C8orf34: variants seen among roughly 807,000 people sequenced by gnomAD.
C8orf34 encodes the protein chromosome 8 open reading frame 34, also known as uncharacterized protein C8orf34.
Under a neutral mutation model 68.3 loss-of-function variants are expected in C8orf34, and 65 were observed. That is an observed-to-expected ratio of 0.95 (90% CI 0.78 to 1.17). The LOEUF (loss-of-function observed/expected upper bound fraction) is 1.17. C8orf34 is among the 50% of genes most tolerant of loss of function. The pLI, the probability that C8orf34 is intolerant of heterozygous loss-of-function variation, is 0.00. For synonymous variants in C8orf34, 244 were observed against 241.2 expected (o/e 1.01, Z -0.11); for missense variants, 664 against 655.4 (o/e 1.01, Z -0.14).
chr8:68,458,953 T>A (rs1008081993), intron 3 of C8orf34, among the ~76,000 whole-genome samples: 1 of 152,212 alleles, frequency 6.6e-6, no homozygotes, highest in African/African-American at 2.4e-5. Context: ...TATACAGACC[T>A]GTAGAAAGAG....
intron 7 of C8orf34, among the ~76,000 whole-genome samples, chr8:68,614,606 C>T (rs962034263): frequency 1.1e-3 from 172 of 152,082 alleles, no homozygotes; most frequent in Admixed American, 1.8e-3. Context: ...TGTAGATATG[C>T]GGTGTTATTT....
At position 68,617,869 on chromosome 8, in the gene C8orf34, C is replaced by G. The variant is rs563838342; in HGVS notation, c.1106-22507C>G. On this transcript the variant is annotated intron_variant, in intron 7 of 13. Transcript: ENST00000518698. The stretch of plus-strand genomic sequence containing the variant: ...TGGGGAAGTTCTCCTGGATAATATC[C>G]TGCAGAGTGTTTTCCAACTTGATTC... 4.9e-3 allele frequency among the ~76,000 whole-genome samples: 742 copies of G among 152,258 alleles called. 11 individuals are homozygous for G. Among genetic ancestry groups the G allele is most frequent in the African/African-American group, 0.017 (688 of 41,542 alleles).
intron 10 of C8orf34, among the ~76,000 whole-genome samples, chr8:68,735,677 GAA>G (rs1362672305): frequency 1.3e-5 from 2 of 151,942 alleles, no homozygotes; most frequent in Non-Finnish European, 2.9e-5. Flanking sequence ...TCTAACTTGA[GAA>G]AGAAAAGAAA....
intron 1 of C8orf34, among the ~76,000 whole-genome samples, chr8:68,353,218 G>A (rs1447163100): frequency 6.6e-6 from 1 of 151,998 alleles, no homozygotes; most frequent in Non-Finnish European, 1.5e-5. Flanking sequence ...TAATGGCTAT[G>A]TAAGGGACAG....
intron 1 of C8orf34, among the ~76,000 whole-genome samples, chr8:68,428,933 T>C (rs1810340280): frequency 6.6e-6 from 1 of 152,072 alleles, no homozygotes; most frequent in African/African-American, 2.4e-5. Flanking sequence ...CCATAATAAA[T>C]GTTGACTTTA....
chr8:68,813,100 C>T (rs982017062), intron 12 of C8orf34, among the ~76,000 whole-genome samples: 5 of 152,128 alleles, frequency 3.3e-5, no homozygotes, highest in African/African-American at 7.2e-5. Flanking sequence ...TAGCATATGG[C>T]GTTATCCTCA....
At chr8:68,535,191 AAATGCTAAGTTC>A (rs1214203586) in intron 7 of C8orf34, 5 of 983,868 alleles carry the variant, frequency 5.1e-6, no homozygotes, top group Non-Finnish European at 3.6e-6. Context: ...AGAAAAATAT[AAATGCTAAGTTC>A]TTGGAAATTT....
chr8:68,697,084 T>C (rs935928447), intron 8 of C8orf34, among the ~76,000 whole-genome samples: 2 of 152,076 alleles, frequency 1.3e-5, no homozygotes, highest in African/African-American at 2.4e-5. Context: ...TTAGTGACTA[T>C]ATGGTAGATT....
At chr8:68,806,708 G>A (rs1456951131) in intron 12 of C8orf34, among the ~76,000 whole-genome samples, 1 of 152,062 alleles carries the variant, frequency 6.6e-6, no homozygotes, top group Non-Finnish European at 1.5e-5. Context: ...TAAATCTATC[G>A]TTTTTATATG....
At chr8:68,450,772 C>T (rs2263129) in intron 3 of C8orf34, among the ~76,000 whole-genome samples, 11,566 of 152,134 alleles carry the variant, frequency 0.076, 490 homozygotes, top group Middle Eastern at 0.1. Context: ...CTGTAGAGCA[C>T]AGACAGAGTA....
intron 8 of C8orf34, among the ~76,000 whole-genome samples, chr8:68,688,651 G>A (rs938460491): frequency 6.6e-6 from 1 of 152,114 alleles, no homozygotes; most frequent in Admixed American, 6.6e-5. Flanking sequence ...ATACTATGCA[G>A]CCATAAAAAG....
intron 10 of C8orf34, among the ~76,000 whole-genome samples, chr8:68,731,158 C>T (rs1821966307): frequency 6.6e-6 from 1 of 152,128 alleles, no homozygotes; most frequent in Admixed American, 6.5e-5. Flanking sequence ...AGGGCATTTC[C>T]TTTACATGTT....
Position 68,569,832 on chromosome 8 carries a change from T to C in C8orf34, c.1105+36683T>C, listed in dbSNP as rs77952539. ...AAAATTGCCTTGAGGACAAATACTA[T>C]GGACTAATATTTTAGAAGCCACCTC... On this transcript the variant is annotated intron_variant, in intron 7 of 13. Transcript: ENST00000518698. Among the ~76,000 whole-genome samples the C allele has an allele frequency of 8.2e-3, 1,245 of 152,304 alleles. 21 individuals are homozygous for C. The highest frequency in any genetic ancestry group is 0.028 in the African/African-American group (1,173 of 41,556).
chr8:68,773,042 CA>C (rs1823400040), intron 10 of C8orf34, among the ~76,000 whole-genome samples: 1 of 151,934 alleles, frequency 6.6e-6, no homozygotes, highest in Non-Finnish European at 1.5e-5. Context: ...AGGTAATTAC[CA>C]AAATACTATG....
chr8:68,632,249 C>T (rs1818711616), intron 7 of C8orf34, among the ~76,000 whole-genome samples: 1 of 152,120 alleles, frequency 6.6e-6, no homozygotes, highest in Non-Finnish European at 1.5e-5. Context: ...AGCAAAGAGA[C>T]TGGTGGCATT....
intron 6 of C8orf34, among the ~76,000 whole-genome samples, chr8:68,531,390 T>C (rs1815239768): frequency 1.3e-5 from 2 of 152,216 alleles, no homozygotes; most frequent in African/African-American, 4.8e-5. Context: ...CTGCCTTTTG[T>C]TTCTTTTTTA....
At chr8:68,459,918 G>C (rs1247458916) in intron 3 of C8orf34, among the ~76,000 whole-genome samples, 1 of 152,164 alleles carries the variant, frequency 6.6e-6, no homozygotes, top group Non-Finnish European at 1.5e-5. Flanking sequence ...CACCTCACTA[G>C]GGAGTATCAG....
At chr8:68,429,764 A>ATGCT (rs1491365810) in intron 1 of C8orf34, among the ~76,000 whole-genome samples, 1 of 152,252 alleles carries the variant, frequency 6.6e-6, no homozygotes, top group Non-Finnish European at 1.5e-5. Context: ...AATCTCACAA[A>ATGCT]CACAGGAATG....
intron 1 of C8orf34, among the ~76,000 whole-genome samples, chr8:68,353,400 C>A (rs1806601668): frequency 6.6e-6 from 1 of 151,584 alleles, no homozygotes; most frequent in Admixed American, 6.6e-5. Flanking sequence ...GTAATATTTT[C>A]CAGTAGTTTT....
Sources: allele counts gnomAD v4.1 joint callset (sites outside exome capture counted in the v4.1 genomes callset), GRCh38; gene constraint gnomAD v4.1.1; transcripts MANE v1.5; gene names NCBI Gene and HGNC (gene_info 2026-07-23, HGNC 2026-07-21).